NPAT: variants seen among roughly 807,000 people sequenced by gnomAD.
The protein encoded by NPAT is protein NPAT.
Under a neutral mutation model 130.7 loss-of-function variants are expected in NPAT, and 52 were observed. The observed-to-expected ratio is 0.40, with a 90% CI of 0.32 to 0.50. NPAT has a LOEUF of 0.50. NPAT is among the 20% of genes least tolerant of loss of function. NPAT has a pLI of 0.68. For missense variants in NPAT, 1,687 were observed against 1,662.6 expected (o/e 1.01, Z -0.26); for synonymous variants, 580 against 584.8 (o/e 0.99, Z 0.12).
Position 108,161,047 on chromosome 11 carries a change from T to A in NPAT, c.4039A>T (p.Thr1347Ser), listed in dbSNP as rs753080181. Reference protein sequence around the residue: ...ILSRAAISRTTSATPLKDNTQ... With the variant: ...ILSRAAISRTSSATPLKDNTQ... The stretch of plus-strand genomic sequence containing the variant: ...TTATCTTTCAGAGGAGTTGCTGAAG[T>A]AGTCCTAGAAATGGCTGCCCTGGAG... Residue 1347 changes from threonine (T) to serine (S), a missense_variant, in exon 17 of 18, where the codon ACT (threonine) becomes TCT (serine). By Grantham distance (58) the Thr-to-Ser change is moderately conservative (BLOSUM62 1). Transcript: ENST00000278612. The A allele has an allele frequency of 1.9e-6, 3 of 1,614,184 alleles. No homozygotes were observed. Among genetic ancestry groups the A allele is most frequent in the Non-Finnish European group, 2.5e-6 (3 of 1,180,020 alleles).
rs114860149 is a variant in NPAT, at chr11:108,212,995, C to T, written c.37+9505G>A. ...AAAGGAGTTAAGAAACCTCCCTGGGCGGGGCATGGTGGCTCATGCCTATAA... is the reference window on the plus strand; with the variant it reads ...AAAGGAGTTAAGAAACCTCCCTGGGTGGGGCATGGTGGCTCATGCCTATAA... On this transcript the variant is annotated intron_variant, in intron 1 of 17. Coordinates refer to ENST00000278612, the MANE Select transcript of NPAT (RefSeq NM_002519.3). Among the ~76,000 whole-genome samples the T allele has an allele frequency of 9.5e-3, 1,344 of 140,834 alleles. 20 individuals carry two copies. Among genetic ancestry groups the T allele is most frequent in the African/African-American group, 0.033 (1,245 of 37,980 alleles). The allele number at this position is 140,834 out of a possible 152,430, so 92.4% of individuals were successfully genotyped here. A position where few individuals can be genotyped will look rare whatever the true frequency, so the allele number is the denominator to read the frequency against.
chr11:108,189,565 C>T (rs1337370971), intron 5 of NPAT, among the ~76,000 whole-genome samples: 3 of 152,196 alleles, frequency 2.0e-5, no homozygotes, highest in Non-Finnish European at 4.4e-5. Context: ...ATTGATAACA[C>T]CATGAATTAA....
chr11:108,189,010 A>G, intron 6 of NPAT, 96 bp downstream of exon 6: 4 of 985,878 alleles, frequency 4.1e-6, no homozygotes, highest in South Asian at 2.7e-5. Flanking sequence ...GGGGGGGGCC[A>G]TAATTTTACA....
At chr11:108,184,509 C>A (rs1390124964) in intron 10 of NPAT, among the ~76,000 whole-genome samples, 1 of 145,554 alleles carries the variant, frequency 6.9e-6, no homozygotes, top group Non-Finnish European at 1.5e-5. Context: ...ATTTTGTTAA[C>A]TATTACTTGG....
intron 10 of NPAT, among the ~76,000 whole-genome samples, chr11:108,177,958 C>T (rs943254821): frequency 6.6e-6 from 1 of 152,228 alleles, no homozygotes; most frequent in South Asian, 2.1e-4. Flanking sequence ...TGGGCTCATG[C>T]GATCCGCCCA....
intron 10 of NPAT, among the ~76,000 whole-genome samples, chr11:108,178,628 C>T (rs1340289002): frequency 6.6e-6 from 1 of 152,162 alleles, no homozygotes; most frequent in Non-Finnish European, 1.5e-5. Flanking sequence ...GAGGCCAAGG[C>T]AGGTGGATCA....
chr11:108,189,202 C>G lies in NPAT; in HGVS notation c.460G>C (p.Gly154Arg). The G allele has an allele frequency of 6.2e-7, 1 of 1,614,120 alleles. No individual in the cohort carries two copies. Among genetic ancestry groups the G allele is most frequent in the Non-Finnish European group, 8.5e-7 (1 of 1,180,022 alleles). The change falls in exon 6 of 18, where the codon GGT becomes CGT. Residue 154 changes from glycine to arginine, a missense_variant. Coordinates refer to ENST00000278612, the MANE Select transcript of NPAT (RefSeq NM_002519.3). ...CCACTTGGTCGAGTAACCTGTGTACCTGTGGAAGGAGGAGTGGTAAACTGT... is the reference window on the plus strand; with the variant it reads ...CCACTTGGTCGAGTAACCTGTGTACGTGTGGAAGGAGGAGTGGTAAACTGT... ...SGQFTTPPST[G>R]TQVTRPSGQI...
chr11:108,222,328 G>T (rs956588024), intron 1 of NPAT, among the ~76,000 whole-genome samples, 172 bp downstream of exon 1: 2 of 152,102 alleles, frequency 1.3e-5, no homozygotes, highest in South Asian at 2.1e-4. Context: ...CATACAAAGA[G>T]GCTTAAACTG....
chr11:108,189,848 C>T (rs1165837795), intron 5 of NPAT, among the ~76,000 whole-genome samples: 2 of 135,122 alleles, frequency 1.5e-5, no homozygotes, highest in African/African-American at 2.8e-5. Flanking sequence ...CCAGCCTGGG[C>T]GACAGAGCGA....
At position 108,201,527 on chromosome 11, in the gene NPAT, T is replaced by C. The variant is rs545366235; in HGVS notation, c.38-4107A>G. On this transcript the variant is annotated intron_variant, in intron 1 of 17. Transcript: ENST00000278612. ...AAGGAATGGCCCAGGGAGTTCCAAC[T>C]CAGGCCCAAGGTCCAGCCCAGAAAC... Among the ~76,000 whole-genome samples the C allele has an allele frequency of 7.1e-4, 108 of 152,280 alleles. 1 individual carries two copies. Among genetic ancestry groups the C allele is most frequent in the African/African-American group, 2.5e-3 (102 of 41,556 alleles).
intron 1 of NPAT, among the ~76,000 whole-genome samples, chr11:108,206,054 T>C (rs2078322053): frequency 6.6e-6 from 1 of 152,062 alleles, no homozygotes; most frequent in Non-Finnish European, 1.5e-5. Flanking sequence ...CAAAAATACA[T>C]AAATAAATAA....
intron 1 of NPAT, 65 bp downstream of exon 1, chr11:108,222,435 C>T (rs1362848425): frequency 6.4e-7 from 1 of 1,557,594 alleles, no homozygotes; most frequent in East Asian, 2.3e-5. Context: ...AAACCTTTGG[C>T]CTCAAAGGTC....
intron 3 of NPAT, 134 bp from the exon 4 acceptor site, chr11:108,192,324 T>G (rs1014459849): frequency 5.3e-5 from 38 of 715,036 alleles, no homozygotes; most frequent in Non-Finnish European, 9.6e-5. Context: ...TAAATCTATG[T>G]TGTAAAATAG....
rs761556657 is a variant in NPAT at position 108,173,655 on chromosome 11, G to A, written c.1329C>T (p.Thr443=). 56 of 1,614,044 alleles carry A rather than the reference G, an allele frequency of 3.5e-5. No homozygotes were observed. The highest frequency in any genetic ancestry group is 1.8e-4 in the Admixed American group (11 of 60,006). ...PTEQKCDIDI[T]FESVPNLNDF... ...CATTCAAATTAGGCACGGACTCAAA[G>A]GTAATGTCAATGTCACACTTCTGTT... Residue 443 remains threonine, a synonymous_variant, in exon 13 of 18, where the codon ACC becomes ACT. Coordinates refer to ENST00000278612, the MANE Select transcript of NPAT (RefSeq NM_002519.3).
intron 4 of NPAT, 79 bp downstream of exon 4, chr11:108,192,038 CT>C: frequency 4.2e-6 from 4 of 942,882 alleles, no homozygotes; most frequent in Non-Finnish European, 7.0e-6. Flanking sequence ...TATAAGTACA[CT>C]GTGTAGGTCT....
chr11:108,160,821 GCTAATCA>G, intron 17 of NPAT, 52 bp downstream of exon 17: 1 of 1,467,356 alleles, frequency 6.8e-7, no homozygotes, highest in Non-Finnish European at 9.4e-7. Context: ...TGCTGAATTC[GCTAATCA>G]CTAAAGCGGA....
intron 1 of NPAT, among the ~76,000 whole-genome samples, chr11:108,202,722 A>G (rs2078285717): frequency 6.6e-6 from 1 of 152,100 alleles, no homozygotes; most frequent in African/African-American, 2.4e-5. Flanking sequence ...CTGGAACCCA[A>G]ATAATGGGAG....
chr11:108,200,229 A>AT (rs2078262585), intron 1 of NPAT, among the ~76,000 whole-genome samples: 1 of 152,002 alleles, frequency 6.6e-6, no homozygotes, highest in African/African-American at 2.4e-5. Context: ...TAAGAGACTG[A>AT]TTTTTTTCCC....
chr11:108,189,132 T>C lies in NPAT; in HGVS notation c.530A>G (p.His177Arg). ...GGTTACAGTATCTTGTGACTGTGAG[T>C]GGTTGACCACTACAAAATATGACCT... ...PSRSYFVVVN[H>R]SQSQDTVTTG... The change falls in exon 6 of 18, where the codon CAC becomes CGC. Residue 177 changes from histidine to arginine, a missense_variant. Physicochemically the swap from His to Arg is conservative, Grantham distance 29 (BLOSUM62 0). This residue lies in a region of NPAT where 307 missense variants were observed against 298.9 expected (regional missense o/e 1.03). Transcript: ENST00000278612. The C allele has an allele frequency of 6.2e-7, 1 of 1,614,042 alleles. No homozygotes were observed.
Sources: allele counts gnomAD v4.1 joint callset (sites outside exome capture counted in the v4.1 genomes callset), GRCh38; gene constraint gnomAD v4.1.1; regional missense constraint gnomAD v4.1.1; transcripts MANE v1.5; gene names NCBI Gene and HGNC (gene_info 2026-07-23, HGNC 2026-07-21).